The following ADGRG2 variants were observed in gnomAD, a reference collection of about 807,000 sequenced individuals.
ADGRG2 encodes the protein adhesion G protein-coupled receptor G2.
In ADGRG2, 26 loss-of-function variants were observed where a neutral mutation model predicts 74.1. The ratio of observed to expected loss-of-function variants is 0.35; its 90% CI spans 0.26 to 0.49. ADGRG2 has a LOEUF of 0.49. ADGRG2 is among the 20% of genes least tolerant of loss of function. The pLI is 0.99. For missense variants in ADGRG2, 619 were observed against 763.1 expected, an observed-to-expected ratio of 0.81 and a Z score of 2.22; for synonymous variants, 296 against 295.2, an observed-to-expected ratio of 1.00 and a Z score of -0.03.
chrX:19,047,214 C>A (rs778476133), intron 3 of ADGRG2, among the ~76,000 whole-genome samples: 6 of 111,683 alleles, frequency 5.4e-5, no homozygotes, highest in Admixed American at 9.5e-5. Flanking sequence ...ATTAAAAAGT[C>A]AGCCATTGTG....
At chrX:19,049,451 T>TGTTTG (rs2061267297) in intron 3 of ADGRG2, among the ~76,000 whole-genome samples, 3 of 104,027 alleles carry the variant, frequency 2.9e-5, no homozygotes, top group African/African-American at 1.1e-4. Flanking sequence ...TTTTTTTTTT[T>TGTTTG]TTTTTTGTTG....
intron 15 of ADGRG2, among the ~76,000 whole-genome samples, chrX:19,014,955 G>A (rs1283388747): frequency 8.9e-6 from 1 of 111,756 alleles, no homozygotes. Flanking sequence ...TAAAACATAT[G>A]TGTATATAGA....
intron 1 of ADGRG2, among the ~76,000 whole-genome samples, chrX:19,109,476 T>C (rs905506410): frequency 9.0e-6 from 1 of 111,653 alleles, no homozygotes; most frequent in East Asian, 2.8e-4. Context: ...AGTATACATC[T>C]TCCCAATCTT....
intron 2 of ADGRG2, among the ~76,000 whole-genome samples, chrX:19,070,900 G>A (rs2061643419): frequency 8.9e-6 from 1 of 112,009 alleles, no homozygotes; most frequent in Admixed American, 9.4e-5. Flanking sequence ...TGCTGTTGCG[G>A]TGAGTAAACA....
At chrX:19,078,873 CA>C (rs892900500) in intron 2 of ADGRG2, among the ~76,000 whole-genome samples, 3 of 107,950 alleles carry the variant, frequency 2.8e-5, no homozygotes, top group African/African-American at 1.0e-4. Context: ...AATCAAGAGA[CA>C]GAGGGAGGGG....
chrX:19,060,714 A>AT (rs1225223333), intron 3 of ADGRG2, among the ~76,000 whole-genome samples: 1 of 109,667 alleles, frequency 9.1e-6, no homozygotes, highest in Non-Finnish European at 1.9e-5. Context: ...CACTCGGCTA[A>AT]TTTTTGTATT....
rs138725541 is a variant in ADGRG2, at chrX:19,115,217, T to C, written c.-47+7225A>G. Among the ~76,000 whole-genome samples the C allele has an allele frequency of 4.9e-3, 545 of 111,306 alleles. 4 individuals carry two copies. The highest frequency in any genetic ancestry group is 0.017 in the African/African-American group (510 of 30,603). ...TAGGACAAGTGTCAGATTTTATCTA[T>C]ATTCTAGGCTCATTCATTCGGTCAT... is the stretch of plus-strand genomic sequence containing the variant. On this transcript the variant is annotated intron_variant, in intron 1 of 28. Transcript: ENST00000379869.
intron 1 of ADGRG2, among the ~76,000 whole-genome samples, chrX:19,105,043 G>GGCCAACATAGT (rs779783881): frequency 3.6e-5 from 4 of 110,471 alleles, no homozygotes; most frequent in Admixed American, 9.7e-5. Context: ...AGACCAGCCT[G>GGCCAACATAGT]GCCAACATAG....
chrX:19,004,504 A>G (rs766313394), intron 23 of ADGRG2, among the ~76,000 whole-genome samples: 1 of 111,794 alleles, frequency 8.9e-6, no homozygotes, highest in Admixed American at 9.5e-5. Flanking sequence ...TTCACACTTT[A>G]TGTCTATCAG....
At chrX:19,001,566 A>G (rs2060132865) in intron 24 of ADGRG2, among the ~76,000 whole-genome samples, 1 of 111,946 alleles carries the variant, frequency 8.9e-6, no homozygotes, top group African/African-American at 3.2e-5. Flanking sequence ...CATACTTAAG[A>G]AAGGAATCTG....
chrX:19,022,649 T>G (rs1277737139), intron 13 of ADGRG2, among the ~76,000 whole-genome samples: 2 of 112,067 alleles, frequency 1.8e-5, no homozygotes, highest in Non-Finnish European at 3.8e-5. Context: ...CAAGCTGTGA[T>G]TCACCCCTGT....
At chrX:19,117,542 C>A (rs1209412623) in intron 1 of ADGRG2, among the ~76,000 whole-genome samples, 1 of 110,592 alleles carries the variant, frequency 9.0e-6, no homozygotes, top group African/African-American at 3.3e-5. Context: ...AATTACCAGG[C>A]GCAGTGGCTC....
At chrX:19,114,776 T>C (rs2062480686) in intron 1 of ADGRG2, among the ~76,000 whole-genome samples, 1 of 111,473 alleles carries the variant, frequency 9.0e-6, no homozygotes, top group Admixed American at 9.5e-5. Flanking sequence ...CTTACAAAGG[T>C]CAGGAATTGT....
At chrX:19,073,833 TATG>T (rs1321417911) in intron 2 of ADGRG2, among the ~76,000 whole-genome samples, 2 of 111,619 alleles carry the variant, frequency 1.8e-5, no homozygotes, top group Admixed American at 9.6e-5. Context: ...TTATAAGAGG[TATG>T]ATAATTGTTC....
intron 2 of ADGRG2, among the ~76,000 whole-genome samples, chrX:19,070,588 G>C (rs1001947350): frequency 1.8e-5 from 2 of 112,107 alleles, no homozygotes; most frequent in Non-Finnish European, 3.8e-5. Context: ...CACAAGCAAG[G>C]GGGTGGCGAG....
rs544958504 is a variant in ADGRG2, at chrX:19,046,371, A to T, written c.119-6147T>A. Among the ~76,000 whole-genome samples the T allele has an allele frequency of 7.3e-4, 82 of 112,275 alleles. 1 individual carries two copies. In the Middle Eastern group the frequency reaches 0.014, roughly 19 times the overall value. ...TCTTTATATCTTCAAGTATTCATTG[A>T]CTACGCCCTTCTTTCACTTGGCATT... On this transcript the variant is annotated intron_variant, in intron 3 of 28. Coordinates refer to ENST00000379869, the MANE Select transcript of ADGRG2 (RefSeq NM_001079858.3).
intron 2 of ADGRG2, among the ~76,000 whole-genome samples, chrX:19,079,114 G>A (rs2061802267): frequency 9.0e-6 from 1 of 111,699 alleles, no homozygotes; most frequent in African/African-American, 3.3e-5. Flanking sequence ...TGAATAGTAG[G>A]TATAACCATT....
intron 3 of ADGRG2, among the ~76,000 whole-genome samples, chrX:19,040,988 GTATA>G (rs1394479506): frequency 9.1e-6 from 1 of 110,063 alleles, no homozygotes; most frequent in East Asian, 2.8e-4. Context: ...GTTTATATGT[GTATA>G]TATTTACATA....
At chrX:19,041,916 C>T (rs2061073043) in intron 3 of ADGRG2, among the ~76,000 whole-genome samples, 1 of 111,219 alleles carries the variant, frequency 9.0e-6, no homozygotes, top group Admixed American at 9.6e-5. Context: ...CTCAAGTGAT[C>T]CTCCCACCTC....
Sources: gnomAD v4.1 joint callset for allele counts (sites outside exome capture counted in the v4.1 genomes callset) on GRCh38, gnomAD v4.1.1 for gene constraint, MANE v1.5 for transcripts, NCBI Gene and HGNC (gene_info 2026-07-23, HGNC 2026-07-21) for gene names.